Variants in CELA2A observed in about 807,000 individuals in gnomAD.
CELA2A encodes the protein chymotrypsin like elastase 2A.
Under a neutral mutation model 35.3 loss-of-function variants are expected in CELA2A, and 31 were observed. The ratio of observed to expected loss-of-function variants is 0.88; its 90% CI spans 0.66 to 1.19. The LOEUF (loss-of-function observed/expected upper bound fraction) is 1.19. Ranked by LOEUF, CELA2A falls within the 50% of genes most tolerant of loss-of-function variation. CELA2A has a pLI of 0.00. For missense variants in CELA2A, 330 were observed against 352.9 expected, an observed-to-expected ratio of 0.94 and a Z score of 0.52; for synonymous variants, 150 against 149.8, an observed-to-expected ratio of 1.00 and a Z score of -0.01.
In CELA2A at chr1:15,465,470, G is replaced by A. The variant is rs766554231; in HGVS notation, c.494-529G>A. On this transcript the variant is annotated intron_variant, in intron 5 of 7. Coordinates refer to ENST00000359621, the MANE Select transcript of CELA2A (RefSeq NM_033440.3). ...ACCACACCAGCATATTTTTCCCAAG[G>A]AGGGGGCTCTAACAGCCAGGAGGCT... is the stretch of plus-strand genomic sequence containing the variant. 9.9e-4 allele frequency among the ~76,000 whole-genome samples: 151 copies of A among 152,162 alleles called. 2 individuals carry two copies. The highest frequency in any genetic ancestry group is 2.6e-4 in the Admixed American group (4 of 15,278).
intron 7 of CELA2A, among the ~76,000 whole-genome samples, chr1:15,470,298 C>A (rs1268440323): frequency 3.9e-5 from 6 of 152,064 alleles, no homozygotes; most frequent in Middle Eastern, 3.2e-3. Flanking sequence ...GAGCACCTGC[C>A]TGGATAAACC....
chr1:15,463,782 G>C (rs1708473579), intron 5 of CELA2A, among the ~76,000 whole-genome samples: 1 of 152,112 alleles, frequency 6.6e-6, no homozygotes, highest in Non-Finnish European at 1.5e-5. Context: ...GGGCGCAGTG[G>C]CTCATACCTG....
chr1:15,472,046 G>A lies in CELA2A; in HGVS notation c.*39G>A. The A allele has an allele frequency of 6.2e-7, 1 of 1,612,694 alleles. No individual in the cohort carries two copies. Among genetic ancestry groups the A allele is most frequent in the Non-Finnish European group, 8.5e-7 (1 of 1,178,806 alleles). On this transcript the variant is annotated 3_prime_UTR_variant, in exon 8 of 8. Coordinates refer to ENST00000359621, the MANE Select transcript of CELA2A (RefSeq NM_033440.3). ...CTGGGACTGTTTCAGACTTGGAAAG[G>A]TCACAGAAGGAAAATAATATAATAA...
rs776835636 is a variant in CELA2A at position 15,467,443 on chromosome 1, G to A, written c.697G>A (p.Gly233Ser). The A allele has an allele frequency of 8.1e-6, 13 of 1,614,034 alleles. No homozygotes were observed. Among genetic ancestry groups the A allele is most frequent in the Non-Finnish European group, 8.5e-6 (10 of 1,180,028 alleles). ...GTCTGACGGCCGGTGGCAGGTGCACGGCATCGTCAGCTTCGGGTCTCGCCT... is the reference window on the plus strand; with the variant it reads ...GTCTGACGGCCGGTGGCAGGTGCACAGCATCGTCAGCTTCGGGTCTCGCCT... The part of the protein sequence containing the change: ...QASDGRWQVH[G>S]IVSFGSRLGC... The change falls in exon 7 of 8, where the codon GGC becomes AGC. Residue 233 changes from glycine (G) to serine (S), a missense_variant. Gly to Ser is a moderately conservative substitution (Grantham distance 56, BLOSUM62 0). Coordinates refer to ENST00000359621, the MANE Select transcript of CELA2A (RefSeq NM_033440.3).
At chr1:15,462,886 G>C (rs748074322) in intron 4 of CELA2A, 25 bp downstream of exon 4, 4 of 1,613,850 alleles carry the variant, frequency 2.5e-6, no homozygotes, top group Non-Finnish European at 3.4e-6. Flanking sequence ...GGGTGCACTT[G>C]GGGGTGAGGT....
chr1:15,469,070 C>T (rs1708558345), intron 7 of CELA2A, among the ~76,000 whole-genome samples: 2 of 152,140 alleles, frequency 1.3e-5, no homozygotes, highest in Non-Finnish European at 2.9e-5. Flanking sequence ...CCCAGCTACT[C>T]AGGAGGCTGA....
chr1:15,463,648 A>G, intron 5 of CELA2A, 126 bp downstream of exon 5: 1 of 1,448,396 alleles, frequency 6.9e-7, no homozygotes, highest in South Asian at 1.3e-5. Context: ...ACGGGATGGC[A>G]TAGGCTGACG....
At chr1:15,470,515 G>A (rs1279256187) in intron 7 of CELA2A, among the ~76,000 whole-genome samples, 3 of 152,072 alleles carry the variant, frequency 2.0e-5, no homozygotes, top group South Asian at 4.1e-4. Context: ...AAGAGTATCA[G>A]GTAAAAAAGT....
chr1:15,466,899 G>A (rs1353164442), intron 6 of CELA2A, among the ~76,000 whole-genome samples: 4 of 152,198 alleles, frequency 2.6e-5, no homozygotes, highest in Admixed American at 2.6e-4. Context: ...ACTTAGCAGT[G>A]AAGTGGGGAT....
Position 15,471,945 on chromosome 1 carries a change from C to T in CELA2A, c.793-45C>T, listed in dbSNP as rs115556712. On this transcript the variant is annotated intron_variant, in intron 7 of 7. Transcript: ENST00000359621. Reference sequence around the variant, plus strand: ...AGAGACAGGAAACTGCCATGCACAGCTCTGCGGTTAGGTGAACCTGACGAT... The same window carrying T: ...AGAGACAGGAAACTGCCATGCACAGTTCTGCGGTTAGGTGAACCTGACGAT... The T allele has an allele frequency of 9.3e-4, 1,496 of 1,613,688 alleles. 17 individuals carry two copies. The African/African-American group carries it at 0.017, about 19-fold the overall frequency.
chr1:15,469,521 C>G (rs1455241601), intron 7 of CELA2A, among the ~76,000 whole-genome samples: 1 of 152,176 alleles, frequency 6.6e-6, no homozygotes, highest in Non-Finnish European at 1.5e-5. Context: ...CACGTGGTCA[C>G]AGGAGGAAAA....
chr1:15,471,568 T>TAA (rs953003558), intron 7 of CELA2A, among the ~76,000 whole-genome samples: 1 of 135,246 alleles, frequency 7.4e-6, no homozygotes, highest in African/African-American at 2.7e-5. Context: ...AACAAACAAA[T>TAA]AAAAAAAAAA....
intron 7 of CELA2A, 149 bp downstream of exon 7, chr1:15,467,687 T>A: frequency 1.0e-6 from 1 of 962,354 alleles, no homozygotes; most frequent in South Asian, 1.7e-5. Context: ...CCTGAGTAAC[T>A]GCTGGGCCTG....
intron 7 of CELA2A, 27 bp downstream of exon 7, chr1:15,467,565 C>T (rs377343489): frequency 6.2e-7 from 1 of 1,612,012 alleles, no homozygotes; most frequent in Admixed American, 1.7e-5. Flanking sequence ...CCCTGAGCCC[C>T]AAGGCACTAC....
intron 5 of CELA2A, among the ~76,000 whole-genome samples, chr1:15,465,732 C>T (rs1405825763): frequency 6.6e-6 from 1 of 152,114 alleles, no homozygotes; most frequent in African/African-American, 2.4e-5. Flanking sequence ...CAGTCATTGC[C>T]AACAGCTTCC....
chr1:15,456,963 A>G, intron 1 of CELA2A, 123 bp from the exon 2 acceptor site: 3 of 1,274,030 alleles, frequency 2.4e-6, no homozygotes, highest in Non-Finnish European at 3.3e-6. Context: ...GCAGGATTCT[A>G]TGACCTCTTG....
chr1:15,456,877 C>T (rs1164633794), intron 1 of CELA2A, 84 bp downstream of exon 1: 52 of 1,547,524 alleles, frequency 3.4e-5, no homozygotes, highest in Middle Eastern at 3.6e-4. Context: ...CCTCTCGCCC[C>T]CACCCAACCC....
chr1:15,465,886 C>G, intron 5 of CELA2A, 113 bp from the exon 6 acceptor site: 1 of 1,266,082 alleles, frequency 7.9e-7, no homozygotes, highest in South Asian at 1.3e-5. Context: ...CGTGGCTGTT[C>G]GCATGTTGCA....
rs752194404 is a variant in CELA2A, at chr1:15,456,745, G to A, written c.-9G>A. 22 of 1,614,030 alleles carry A rather than the reference G, an allele frequency of 1.4e-5. No homozygotes were observed. The highest frequency in any genetic ancestry group is 6.7e-5 in the East Asian group (3 of 44,882). ...AGGGCCACGCTTACAGAACTCCCAC[G>A]GACACACCATGATAAGGACGCTGCT... On this transcript the variant is annotated 5_prime_UTR_variant, in exon 1 of 8. Transcript: ENST00000359621.
Sources: gnomAD v4.1 joint callset for allele counts (sites outside exome capture counted in the v4.1 genomes callset) on GRCh38, gnomAD v4.1.1 for gene constraint, MANE v1.5 for transcripts, NCBI Gene and HGNC (gene_info 2026-07-23, HGNC 2026-07-21) for gene names.